DKK1: variants seen among roughly 807,000 people sequenced by gnomAD.
DKK1 encodes the protein dickkopf Wnt signaling pathway inhibitor 1.
DKK1 carries 18 observed loss-of-function variants against 26.0 expected under a neutral mutation model. The ratio of observed to expected loss-of-function variants is 0.69; its 90% CI spans 0.48 to 1.03. The LOEUF (loss-of-function observed/expected upper bound fraction) is 1.03. Among genes scored for constraint, DKK1 ranks in the 50% least tolerant of loss-of-function variants. DKK1 has a pLI of 0.00. For missense variants in DKK1, 335 were observed against 348.5 expected, an observed-to-expected ratio of 0.96 and a Z score of 0.31; for synonymous variants, 130 against 132.6, an observed-to-expected ratio of 0.98 and a Z score of 0.13.
chr10:52,314,510 C>T lies in DKK1; in HGVS notation c.76C>T (p.Leu26=), dbSNP rs542440178. The change falls in exon 1 of 4, where the codon CTG becomes TTG. Residue 26 remains leucine (L), a synonymous_variant. Transcript: ENST00000373970. This position sits in a 1 kb window ranked among gnomAD's most constrained non-coding sequence, Gnocchi z 5.7. The stretch of plus-strand genomic sequence containing the variant: ...AGCGGCGGCTCTCGGCGGCCACCCT[C>T]TGCTGGGAGTGAGCGCCACCTTGAA... ...MVAAALGGHP[L]LGVSATLNSV... 2 of 1,613,812 alleles carry T rather than the reference C, an allele frequency of 1.2e-6. No individual in the cohort carries two copies. The highest frequency in any genetic ancestry group is 2.2e-5 in the East Asian group (1 of 44,848).
chr10:52,314,949 G>A lies in DKK1; in HGVS notation c.270G>A (p.Glu90=). ...YQPYPCAEDE[E]CGTDEYCASP... ...CGTACCCGTGCGCAGAGGACGAGGA[G>A]TGCGGCACTGATGAGTACTGCGCTA... The change falls in exon 2 of 4, where the codon GAG becomes GAA. Residue 90 remains glutamate (E), a synonymous_variant. Coordinates refer to ENST00000373970, the MANE Select transcript of DKK1 (RefSeq NM_012242.4). This position sits in a 1 kb window ranked among gnomAD's most constrained non-coding sequence, Gnocchi z 5.7. The A allele has an allele frequency of 6.4e-7, 1 of 1,571,944 alleles. No homozygotes were observed. Among genetic ancestry groups the A allele is most frequent in the South Asian group, 1.1e-5 (1 of 86,966 alleles).
Position 52,316,552 on chromosome 10 carries a change from AGGAC to A in DKK1, c.548-1_550del. ...TTTTTCCTACTGTCTTCTCCTTCGTAGGACAAGAAGGTTCTGTTTGTCTCCGGTC... is the reference window on the plus strand; with the variant it reads ...TTTTTCCTACTGTCTTCTCCTTCGTAAAGAAGGTTCTGTTTGTCTCCGGTC... On this transcript the variant is annotated splice_acceptor_variant and coding_sequence_variant, in exon 4 of 4. Transcript: ENST00000373970. LOFTEE classifies it high-confidence loss of function. 1 of 1,613,790 alleles carries A rather than the reference AGGAC, an allele frequency of 6.2e-7. No individual in the cohort carries two copies. The highest frequency in any genetic ancestry group is 8.5e-7 in the Non-Finnish European group (1 of 1,179,884).
chr10:52,316,854 T>C lies in DKK1; in HGVS notation c.*47T>C, dbSNP rs1348020579. The C allele has an allele frequency of 1.9e-6, 3 of 1,588,500 alleles. No homozygotes were observed. Among genetic ancestry groups the C allele is most frequent in the Admixed American group, 1.8e-5 (1 of 56,988 alleles). ...AACTCCTTTTATATAATAGATGCTA[T>C]GAAAACCTTTTATGACCTTCATCAA... On this transcript the variant is annotated 3_prime_UTR_variant, in exon 4 of 4. Transcript: ENST00000373970.
chr10:52,314,496 T>A lies in DKK1; in HGVS notation c.62T>A (p.Leu21His). The A allele has an allele frequency of 6.2e-7, 1 of 1,613,646 alleles. No individual in the cohort carries two copies. The highest frequency in any genetic ancestry group is 8.5e-7 in the Non-Finnish European group (1 of 1,180,008). Residue 21 changes from leucine (L) to histidine (H), a missense_variant, in exon 1 of 4, where the codon CTC (leucine) becomes CAC (histidine). Coordinates refer to ENST00000373970, the MANE Select transcript of DKK1 (RefSeq NM_012242.4). The surrounding 1 kb of genome is among the most constrained non-coding windows in gnomAD (Gnocchi z 5.7). ...RVFVAMVAAA[L>H]GGHPLLGVSA... ...TTTGTCGCGATGGTAGCGGCGGCTC[T>A]CGGCGGCCACCCTCTGCTGGGAGTG...
In DKK1 at chr10:52,316,432, A is replaced by G. The variant is rs1842617929; in HGVS notation, c.544A>G (p.Lys182Glu). Residue 182 changes from lysine to glutamate, a missense_variant, in exon 3 of 4, where the codon AAA becomes GAA. Lys to Glu is a moderately conservative substitution (Grantham distance 56). Coordinates refer to ENST00000373970, the MANE Select transcript of DKK1 (RefSeq NM_012242.4). Reference protein sequence around the residue: ...TTLSSKMYHTKGQEGSVCLRS... With the variant: ...TTLSSKMYHTEGQEGSVCLRS... The stretch of plus-strand genomic sequence containing the variant: ...CTTGTCTTCAAAAATGTATCACACC[A>G]AAGGTAAGGATGTTAAGACTCATTC... The G allele has an allele frequency of 1.2e-5, 19 of 1,613,942 alleles. No individual in the cohort carries two copies. The highest frequency in any genetic ancestry group is 1.5e-5 in the Non-Finnish European group (18 of 1,179,990).
At position 52,314,668 on chromosome 10, in the gene DKK1, C is replaced by T. The variant is rs779841245; in HGVS notation, c.234C>T (p.Asp78=). Residue 78 remains aspartate, a synonymous_variant, in exon 1 of 4, where the codon GAC becomes GAT. Transcript: ENST00000373970. The surrounding 1 kb of genome is among the most constrained non-coding windows in gnomAD (Gnocchi z 5.7). The part of the protein sequence containing the change: ...YPGGNKYQTI[D]NYQPYPCAED... ...GCGGGAATAAGTACCAGACCATTGA[C>T]AACTACCAGGTGAGAGGGGTCGGGC... 6.2e-7 allele frequency: 1 copy of T among 1,612,816 alleles called. No individual in the cohort carries two copies. Among genetic ancestry groups the T allele is most frequent in the Non-Finnish European group, 8.5e-7 (1 of 1,179,760 alleles).
Position 52,314,456 on chromosome 10 carries a change from G to A in DKK1, c.22G>A (p.Gly8Arg). 6.2e-7 allele frequency: 1 copy of A among 1,613,966 alleles called. No individual in the cohort carries two copies. The stretch of plus-strand genomic sequence containing the variant: ...TGAGATGATGGCTCTGGGCGCAGCG[G>A]GAGCTACCCGGGTCTTTGTCGCGAT... MMALGAAGATRVFVAMVA... is the reference protein window; with the variant it reads MMALGAARATRVFVAMVA... Residue 8 changes from glycine to arginine, a missense_variant, in exon 1 of 4, where the codon GGA (glycine) becomes AGA (arginine). By Grantham distance (125) the Gly-to-Arg change is moderately radical. Transcript: ENST00000373970. The surrounding 1 kb of genome is among the most constrained non-coding windows in gnomAD (Gnocchi z 5.7).
rs1239103305 is a variant in DKK1 at position 52,316,781 on chromosome 10, A to C, written c.775A>C (p.Arg259=). 3 of 1,614,046 alleles carry C rather than the reference A, an allele frequency of 1.9e-6. No homozygotes were observed. Among genetic ancestry groups the C allele is most frequent in the Admixed American group, 3.3e-5 (2 of 60,006 alleles). Residue 259 remains arginine, a synonymous_variant, in exon 4 of 4, where the codon AGG becomes CGG. Coordinates refer to ENST00000373970, the MANE Select transcript of DKK1 (RefSeq NM_012242.4). ...TCACCATCAAGCCAGTAATTCTTCTAGGCTTCACACTTGTCAGAGACACTA... is the reference window on the plus strand; with the variant it reads ...TCACCATCAAGCCAGTAATTCTTCTCGGCTTCACACTTGTCAGAGACACTA... ...KDHHQASNSS[R]LHTCQRH
intron 2 of DKK1, among the ~76,000 whole-genome samples, chr10:52,315,698 C>T (rs1842609880): frequency 6.6e-6 from 1 of 152,254 alleles, no homozygotes; most frequent in East Asian, 1.9e-4. Flanking sequence ...ACCACAGATC[C>T]ACTAACTTTT....
chr10:52,316,237 G>A, intron 2 of DKK1, 58 bp from the exon 3 acceptor site: 2 of 1,591,722 alleles, frequency 1.3e-6, no homozygotes, highest in Non-Finnish European at 1.7e-6. Flanking sequence ...CACTGTCACA[G>A]CTGTTAGCAG....
At chr10:52,316,519 T>A (rs1842618796) in intron 3 of DKK1, 35 bp from the exon 4 acceptor site, 1 of 1,612,308 alleles carries the variant, frequency 6.2e-7, no homozygotes, top group African/African-American at 1.3e-5. Context: ...TAACAGTAAC[T>A]ATGTACTTTT....
rs940309657 is a variant in DKK1, at chr10:52,316,597, A to G, written c.591A>G (p.Ser197=). 8 of 1,613,982 alleles carry G rather than the reference A, an allele frequency of 5.0e-6. No individual in the cohort carries two copies. The highest frequency in any genetic ancestry group is 6.8e-6 in the Non-Finnish European group (8 of 1,180,024). ...GTCTCCGGTCATCAGACTGTGCCTC[A>G]GGATTGTGTTGTGCTAGACACTTCT... The part of the protein sequence containing the change: ...SVCLRSSDCA[S]GLCCARHFWS... Residue 197 remains serine (S), a synonymous_variant, in exon 4 of 4, where the codon TCA becomes TCG. Transcript: ENST00000373970.
rs546396407 is a variant in DKK1, at chr10:52,314,304, T to A, written c.-131T>A. 39 of 1,391,996 alleles carry A rather than the reference T, an allele frequency of 2.8e-5. No individual in the cohort carries two copies. Among genetic ancestry groups the A allele is most frequent in the Middle Eastern group, 2.6e-4 (1 of 3,816 alleles). The allele number at this position is 1,391,996 out of a possible 1,614,324, so 86.2% of individuals were successfully genotyped here. On this transcript the variant is annotated 5_prime_UTR_variant, in exon 1 of 4. Coordinates refer to ENST00000373970, the MANE Select transcript of DKK1 (RefSeq NM_012242.4). The surrounding 1 kb of genome is among the most constrained non-coding windows in gnomAD (Gnocchi z 5.7). ...GCGCAGAGCTCTGTGCTCCCTGCAG[T>A]CAGGACTCTGGGACCGCAGGGGGCT... is the stretch of plus-strand genomic sequence containing the variant.
At position 52,316,355 on chromosome 10, in the gene DKK1, A is replaced by G; in HGVS notation, c.467A>G (p.Glu156Gly). The change falls in exon 3 of 4, where the codon GAA (glutamate) becomes GGA (glycine). Residue 156 changes from glutamate to glycine, a missense_variant. Transcript: ENST00000373970. ...FRGEIEETIT[E>G]SFGNDHSTLD... ...GGAGAAATTGAGGAAACCATCACTGAAAGCTTTGGTAATGATCATAGCACC... is the reference window on the plus strand; with the variant it reads ...GGAGAAATTGAGGAAACCATCACTGGAAGCTTTGGTAATGATCATAGCACC... 1 of 1,614,174 alleles carries G rather than the reference A, an allele frequency of 6.2e-7. No individual in the cohort carries two copies. The highest frequency in any genetic ancestry group is 8.5e-7 in the Non-Finnish European group (1 of 1,180,014).
In DKK1 at chr10:52,314,996, C is replaced by T; in HGVS notation, c.317C>T (p.Ala106Val). The change falls in exon 2 of 4, where the codon GCA becomes GTA. Residue 106 changes from alanine (A) to valine (V), a missense_variant. By Grantham distance (64) the Ala-to-Val change is moderately conservative (BLOSUM62 0). Coordinates refer to ENST00000373970, the MANE Select transcript of DKK1 (RefSeq NM_012242.4). The surrounding 1 kb of genome is among the most constrained non-coding windows in gnomAD (Gnocchi z 5.7). ...YCASPTRGGDAGVQICLACRK... is the reference protein window; with the variant it reads ...YCASPTRGGDVGVQICLACRK... ...GCTAGTCCCACCCGCGGAGGGGACG[C>T]AGGCGTGCAAATCTGTCTCGCCTGC... 1 of 1,604,634 alleles carries T rather than the reference C, an allele frequency of 6.2e-7. No individual in the cohort carries two copies. The highest frequency in any genetic ancestry group is 8.5e-7 in the Non-Finnish European group (1 of 1,173,328).
At position 52,317,523 on chromosome 10, in the gene DKK1, A is replaced by G. The variant is rs1842628394; in HGVS notation, c.*716A>G. The G allele has an allele frequency of 6.6e-6, 1 of 152,250 alleles. No individual in the cohort carries two copies. Among genetic ancestry groups the G allele is most frequent in the Non-Finnish European group, 1.5e-5 (1 of 68,064 alleles). The allele number at this position is 152,250 out of a possible 1,614,324, so 9.4% of individuals were successfully genotyped here. A position where few individuals can be genotyped will look rare whatever the true frequency, so the allele number is the denominator to read the frequency against. ...AAAAGACAGTGTCTAAATATAAGAC[A>G]ATATTGATCAGCTCTAGAATAACTT... On this transcript the variant is annotated 3_prime_UTR_variant, in exon 4 of 4. Coordinates refer to ENST00000373970, the MANE Select transcript of DKK1 (RefSeq NM_012242.4).
At chr10:52,315,375 A>C in intron 2 of DKK1, 1 of 294,358 alleles carries the variant, frequency 3.4e-6, no homozygotes, top group Non-Finnish European at 6.2e-6. Flanking sequence ...ACTCTTCCAT[A>C]AAAATTTGTC....
chr10:52,315,843 A>C (rs1842611652), intron 2 of DKK1, among the ~76,000 whole-genome samples: 2 of 152,226 alleles, frequency 1.3e-5, no homozygotes, highest in Admixed American at 1.3e-4. Context: ...ATTACACAGT[A>C]AAGTAACTGG....
rs1031139638 is a variant in DKK1 at position 52,316,945 on chromosome 10, C to T, written c.*138C>T. The T allele has an allele frequency of 1.9e-5, 18 of 951,446 alleles. No individual in the cohort carries two copies. Among genetic ancestry groups the T allele is most frequent in the Middle Eastern group, 2.7e-4 (1 of 3,752 alleles). The allele number at this position is 951,446 out of a possible 1,614,324, so 58.9% of individuals were successfully genotyped here. ...GCATTCCAATAACACCTTCCAAAAA[C>T]CTGGAGTGTAAGAGCTTTGTTTCTT... On this transcript the variant is annotated 3_prime_UTR_variant, in exon 4 of 4. Transcript: ENST00000373970.
Sources: allele counts gnomAD v4.1 joint callset (sites outside exome capture counted in the v4.1 genomes callset), GRCh38; gene constraint gnomAD v4.1.1; non-coding constraint Gnocchi (gnomAD v3.1); transcripts MANE v1.5; gene names NCBI Gene and HGNC (gene_info 2026-07-23, HGNC 2026-07-21).